The following RELN variants were observed in gnomAD, a reference collection of about 807,000 sequenced individuals.
The protein encoded by RELN is reelin.
In RELN, 108 loss-of-function variants were observed where a neutral mutation model predicts 427.6. The ratio of observed to expected loss-of-function variants is 0.25; its 90% CI spans 0.22 to 0.30. The LOEUF (loss-of-function observed/expected upper bound fraction) is 0.30, where lower values mean the gene tolerates loss of function less well. Among genes scored for constraint, RELN ranks in the 10% least tolerant of loss-of-function variants. RELN has a pLI of 1.00. For synonymous variants in RELN, 1,524 were observed against 1,513.4 expected (o/e 1.01, Z -0.16); for missense variants, 3,715 against 4,302.8 (o/e 0.86, Z 3.82).
intron 1 of RELN, among the ~76,000 whole-genome samples, chr7:103,954,882 A>T (rs983318336): frequency 3.3e-5 from 5 of 152,220 alleles, no homozygotes; most frequent in African/African-American, 1.2e-4. Flanking sequence ...CTAATTTTTA[A>T]AAAACAGTAA....
At chr7:103,576,553 C>A (rs1831006901) in intron 28 of RELN, among the ~76,000 whole-genome samples, 1 of 152,194 alleles carries the variant, frequency 6.6e-6, no homozygotes, top group African/African-American at 2.4e-5. Flanking sequence ...ACCCTTCTAT[C>A]ACACTCAGTT....
intron 1 of RELN, among the ~76,000 whole-genome samples, chr7:103,961,773 A>G (rs189164770): frequency 6.6e-5 from 10 of 152,186 alleles, no homozygotes; most frequent in Non-Finnish European, 1.3e-4. Flanking sequence ...AGTGCATAAG[A>G]GTATCATTCC....
At chr7:103,810,770 T>C (rs1275988982) in intron 3 of RELN, among the ~76,000 whole-genome samples, 1 of 152,338 alleles carries the variant, frequency 6.6e-6, no homozygotes, top group African/African-American at 2.4e-5. Flanking sequence ...ATAACAACAA[T>C]GCCAGAAAAA....
At chr7:103,494,227 C>A (rs552611040) in intron 57 of RELN, among the ~76,000 whole-genome samples, 1 of 151,914 alleles carries the variant, frequency 6.6e-6, no homozygotes, top group African/African-American at 2.4e-5. Context: ...AGAGCTGAGG[C>A]GAAAAGCAAA....
chr7:103,858,029 C>A (rs112583376), intron 2 of RELN, among the ~76,000 whole-genome samples: 5 of 151,040 alleles, frequency 3.3e-5, no homozygotes, highest in Admixed American at 1.3e-4. Flanking sequence ...ATCTTCAAAT[C>A]CCCTTCTATG....
chr7:103,932,047 A>C lies in RELN; in HGVS notation c.227-14862T>G, dbSNP rs143694512. ...AATCCCACTACTGGGTATATACCCA[A>C]AGGAATATAAATCATTCGACCATAA... On this transcript the variant is annotated intron_variant, in intron 1 of 64. Coordinates refer to ENST00000428762, the MANE Select transcript of RELN (RefSeq NM_005045.4). 7.1e-3 allele frequency among the ~76,000 whole-genome samples: 1,082 copies of C among 152,340 alleles called. 14 individuals carry two copies. The highest frequency in any genetic ancestry group is 0.025 in the African/African-American group (1,027 of 41,576).
intron 10 of RELN, among the ~76,000 whole-genome samples, chr7:103,685,685 A>C (rs930657717): frequency 2.6e-5 from 4 of 152,086 alleles, no homozygotes; most frequent in Non-Finnish European, 5.9e-5. Context: ...TATGCTTCTA[A>C]GTACTAGTAG....
intron 1 of RELN, among the ~76,000 whole-genome samples, chr7:103,972,390 G>C (rs1452287065): frequency 6.6e-6 from 1 of 152,224 alleles, no homozygotes; most frequent in African/African-American, 2.4e-5. Context: ...CGCTGGAAGA[G>C]CTTGGTCCTG....
intron 48 of RELN, 111 bp from the exon 49 acceptor site, chr7:103,519,627 G>A: frequency 1.3e-6 from 1 of 780,048 alleles, no homozygotes. Flanking sequence ...CTGTCACCTA[G>A]GCTGGAGTGC....
At chr7:103,576,773 G>GA (rs1562901283) in intron 28 of RELN, among the ~76,000 whole-genome samples, 1 of 152,072 alleles carries the variant, frequency 6.6e-6, no homozygotes, top group African/African-American at 2.4e-5. Flanking sequence ...AACTGCCAAA[G>GA]AACAAAAGAA....
At chr7:103,580,845 T>C (rs111852902) in intron 28 of RELN, among the ~76,000 whole-genome samples, 63 of 152,338 alleles carry the variant, frequency 4.1e-4, no homozygotes, top group African/African-American at 1.5e-3. Context: ...AGATTTGTAT[T>C]CCTTGGCTCC....
intron 3 of RELN, among the ~76,000 whole-genome samples, chr7:103,781,796 T>C (rs1394233176): frequency 6.6e-6 from 1 of 152,002 alleles, no homozygotes; most frequent in African/African-American, 2.4e-5. Flanking sequence ...AGAGTTATGG[T>C]ACATGGTGAC....
chr7:103,909,330 T>C (rs760004744), intron 2 of RELN, among the ~76,000 whole-genome samples: 1 of 151,930 alleles, frequency 6.6e-6, no homozygotes, highest in African/African-American at 2.4e-5. Flanking sequence ...AGGCCCTGCA[T>C]TTCTATGTTC....
intron 20 of RELN, among the ~76,000 whole-genome samples, chr7:103,616,138 A>C (rs1832073911): frequency 6.6e-6 from 1 of 152,186 alleles, no homozygotes; most frequent in Non-Finnish European, 1.5e-5. Flanking sequence ...GCCATAAGAG[A>C]AGCTAATGCA....
At chr7:103,564,333 G>T (rs1238945513) in intron 34 of RELN, among the ~76,000 whole-genome samples, 1 of 152,228 alleles carries the variant, frequency 6.6e-6, no homozygotes, top group Non-Finnish European at 1.5e-5. Context: ...AGAAATTAGT[G>T]CAAGGAATTG....
chr7:103,938,276 C>T (rs367670251), intron 1 of RELN, among the ~76,000 whole-genome samples: 64 of 151,954 alleles, frequency 4.2e-4, no homozygotes, highest in East Asian at 3.9e-3. Context: ...GCCGAGATTG[C>T]GCCATTGCAC....
chr7:103,706,216 T>C (rs948128012), intron 8 of RELN, among the ~76,000 whole-genome samples: 6 of 149,258 alleles, frequency 4.0e-5, no homozygotes, highest in African/African-American at 1.5e-4. Flanking sequence ...GAATCTCCTT[T>C]CACTTGTTAA....
At chr7:103,922,678 C>T (rs1488717641) in intron 1 of RELN, among the ~76,000 whole-genome samples, 1 of 152,122 alleles carries the variant, frequency 6.6e-6, no homozygotes, top group Non-Finnish European at 1.5e-5. Flanking sequence ...TCTATTATAG[C>T]TTCTATTAAA....
chr7:103,682,221 C>A lies in RELN; in HGVS notation c.1184G>T (p.Gly395Val). The A allele has an allele frequency of 6.2e-7, 1 of 1,613,994 alleles. No individual in the cohort carries two copies. The highest frequency in any genetic ancestry group is 8.5e-7 in the Non-Finnish European group (1 of 1,179,950). The change falls in exon 11 of 65, where the codon GGA becomes GTA. Residue 395 changes from glycine to valine, a missense_variant. This residue lies in a region of RELN where 2,208 missense variants were observed against 2,361.7 expected (regional missense o/e 0.93). Coordinates refer to ENST00000428762, the MANE Select transcript of RELN (RefSeq NM_005045.4). ...AAAATTGAACTCGCTGCCTTCATTT[C>A]CATGGAAATAAATGGAGTTCCCATC... ...QSDGNSIYFH[G>V]NEGSEFNFAT...
Sources: allele counts gnomAD v4.1 joint callset (sites outside exome capture counted in the v4.1 genomes callset), GRCh38; gene constraint gnomAD v4.1.1; regional missense constraint gnomAD v4.1.1; transcripts MANE v1.5; gene names NCBI Gene and HGNC (gene_info 2026-07-23, HGNC 2026-07-21).